ZNF37A: variants seen among roughly 807,000 people sequenced by gnomAD.
ZNF37A encodes zinc finger protein 37a (KOX 21).
ZNF37A carries 10 observed loss-of-function variants against 12.3 expected under a neutral mutation model. The observed-to-expected ratio is 0.82, with a 90% confidence interval of 0.50 to 1.38. The LOEUF is 1.38. ZNF37A is among the 40% of genes most tolerant of loss of function. The pLI, the probability that ZNF37A is intolerant of heterozygous loss-of-function variation, is 0.00. For synonymous variants in ZNF37A, 207 were observed against 223.0 expected (o/e 0.93, Z 0.64); for missense variants, 580 against 651.2 (o/e 0.89, Z 1.19).
At chr10:38,140,872 G>A (rs1180747506) in intron 7 of ZNF37A, 5 of 152,166 alleles carry the variant, frequency 3.3e-5, no homozygotes, top group East Asian at 1.9e-4. Flanking sequence ...GTAATCCAAA[G>A]TAAAATATAA....
In ZNF37A at chr10:38,120,715, A is replaced by C. The variant is rs2069640328; in HGVS notation, c.*1878A>C. 6.6e-6 allele frequency: 1 copy of C among 151,508 alleles called. No homozygotes were observed. Among genetic ancestry groups the C allele is most frequent in the African/African-American group, 2.4e-5 (1 of 41,218 alleles). The allele number at this position is 151,508 out of a possible 1,614,324, so 9.4% of individuals were successfully genotyped here. On this transcript the variant is annotated 3_prime_UTR_variant, in exon 8 of 8. Coordinates refer to ENST00000685332, the MANE Select transcript of ZNF37A (RefSeq NM_001324250.3). The stretch of plus-strand genomic sequence containing the variant: ...CATAACCTGGGGGTCAGGGGAAGGC[A>C]TGGGGGGGACCAGAAACCAGAAGAA...
chr10:38,112,742 T>TG (rs201023807), intron 5 of ZNF37A, among the ~76,000 whole-genome samples: 6,986 of 70,802 alleles, frequency 0.099, 1,602 homozygotes, highest in African/African-American at 0.15. Flanking sequence ...TTTCTTTTCT[T>TG]TTCTTTTCTT....
downstream of ZNF37A, among the ~76,000 whole-genome samples, chr10:38,128,178 A>G (rs1473180379): frequency 6.6e-6 from 1 of 152,170 alleles, no homozygotes; most frequent in East Asian, 1.9e-4. Flanking sequence ...TTAGAACCTA[A>G]TCAGAAGATT....
chr10:38,119,244 A>G lies in ZNF37A; in HGVS notation c.*407A>G. 1 of 1,046,168 alleles carries G rather than the reference A, an allele frequency of 9.6e-7. No homozygotes were observed. Among genetic ancestry groups the G allele is most frequent in the Non-Finnish European group, 1.2e-6 (1 of 855,722 alleles). 64.8% of individuals were successfully genotyped at this position (1,046,168 alleles called of 1,614,324 possible). On this transcript the variant is annotated 3_prime_UTR_variant, in exon 8 of 8. Coordinates refer to ENST00000685332, the MANE Select transcript of ZNF37A (RefSeq NM_001324250.3). ...CTTTTGGGTGTAATGAATGTGGGAAAACCTTTCATCAGAAGTCAGCTCTAA... is the reference window on the plus strand; with the variant it reads ...CTTTTGGGTGTAATGAATGTGGGAAGACCTTTCATCAGAAGTCAGCTCTAA...
intron 5 of ZNF37A, among the ~76,000 whole-genome samples, chr10:38,101,828 T>TC (rs1483003565): frequency 6.8e-6 from 1 of 147,776 alleles, no homozygotes; most frequent in Non-Finnish European, 1.5e-5. Flanking sequence ...TTTTTCTTTT[T>TC]TTTTTTTTTT....
chr10:38,127,608 G>A (rs1354994233), downstream of ZNF37A, among the ~76,000 whole-genome samples: 2 of 152,086 alleles, frequency 1.3e-5, no homozygotes, highest in Non-Finnish European at 2.9e-5. Flanking sequence ...AGAACACCTG[G>A]GTTAGAGGCT....
intron 7 of ZNF37A, among the ~76,000 whole-genome samples, chr10:38,146,327 A>ATTGT (rs2070253750): frequency 6.6e-6 from 1 of 152,080 alleles, no homozygotes; most frequent in Admixed American, 6.5e-5. Flanking sequence ...CCCAGGCTGG[A>ATTGT]GTACAGTGGC....
Position 38,119,838 on chromosome 10 carries a change from A to C in ZNF37A, c.*1001A>C, listed in dbSNP as rs902984704. The C allele has an allele frequency of 6.6e-6, 1 of 152,220 alleles. No homozygotes were observed. The highest frequency in any genetic ancestry group is 2.4e-5 in the African/African-American group (1 of 41,464). The allele number at this position is 152,220 out of a possible 1,614,324, so 9.4% of individuals were successfully genotyped here. On this transcript the variant is annotated 3_prime_UTR_variant, in exon 8 of 8. Transcript: ENST00000685332. ...GGCCATAGTACAGGAGCCCACCAGC[A>C]GGATTTTTGAATAATCCTAGGGCAG...
At chr10:38,145,555 T>A (rs1590953851) in intron 7 of ZNF37A, among the ~76,000 whole-genome samples, 1 of 152,226 alleles carries the variant, frequency 6.6e-6, no homozygotes, top group Non-Finnish European at 1.5e-5. Context: ...ACATTCTCAC[T>A]AGGGGTCTTT....
chr10:38,114,725 T>C (rs1175828885), intron 5 of ZNF37A, 30 bp from the exon 6 acceptor site: 2 of 1,613,884 alleles, frequency 1.2e-6, no homozygotes, highest in Non-Finnish European at 1.7e-6. Flanking sequence ...TTCTTATCAC[T>C]TCAGACTGAG....
At chr10:38,106,071 G>T (rs1217643475) in intron 5 of ZNF37A, among the ~76,000 whole-genome samples, 1 of 152,094 alleles carries the variant, frequency 6.6e-6, no homozygotes, top group Non-Finnish European at 1.5e-5. Context: ...ATGATCTTAG[G>T]GGGGGATCTT....
At chr10:38,149,933 C>T (rs537240409) in exon 8 of ZNF37A, 2 of 152,250 alleles carry the variant, frequency 1.3e-5, no homozygotes, top group South Asian at 2.1e-4. Context: ...GTAAGTTCCA[C>T]GGGGATAGAA....
Position 38,117,900 on chromosome 10 carries a change from C to G in ZNF37A, c.749C>G (p.Thr250Arg), listed in dbSNP as rs780200607. 2 of 1,613,914 alleles carry G rather than the reference C, an allele frequency of 1.2e-6. No homozygotes were observed. Among genetic ancestry groups the G allele is most frequent in the Non-Finnish European group, 1.7e-6 (2 of 1,179,970 alleles). Residue 250 changes from threonine to arginine, a missense_variant, in exon 8 of 8, where the codon ACA (threonine) becomes AGA (arginine). Thr to Arg is a moderately conservative substitution (Grantham distance 71, BLOSUM62 -1). Transcript: ENST00000685332. ...NNIIEYNECGTFFSEKLVLHL... is the reference protein window; with the variant it reads ...NNIIEYNECGRFFSEKLVLHL... ...ATTATTGAATATAATGAGTGTGGAA[C>G]ATTTTTCAGTGAAAAATTAGTCCTT...
At chr10:38,096,833 G>A (rs1364478025) in intron 5 of ZNF37A, among the ~76,000 whole-genome samples, 1 of 151,446 alleles carries the variant, frequency 6.6e-6, no homozygotes. Context: ...TTTTTAGGTG[G>A]CTGAGGGAAA....
At position 38,120,821 on chromosome 10, in the gene ZNF37A, C is replaced by T. The variant is rs1465326990; in HGVS notation, c.*1984C>T. On this transcript the variant is annotated 3_prime_UTR_variant, in exon 8 of 8. Coordinates refer to ENST00000685332, the MANE Select transcript of ZNF37A (RefSeq NM_001324250.3). Reference sequence around the variant, plus strand: ...TTTCTCAAGAAATTTCCAGATGTCTCATGCTGCATAGGGCAGGAGCCTGAA... The same window carrying T: ...TTTCTCAAGAAATTTCCAGATGTCTTATGCTGCATAGGGCAGGAGCCTGAA... The T allele has an allele frequency of 6.6e-6, 1 of 152,210 alleles. No homozygotes were observed. The highest frequency in any genetic ancestry group is 2.4e-5 in the African/African-American group (1 of 41,448). The allele number at this position is 152,210 out of a possible 1,614,324, so 9.4% of individuals were successfully genotyped here. A position where few individuals can be genotyped will look rare whatever the true frequency, so the allele number is the denominator to read the frequency against.
At chr10:38,099,822 G>A (rs1032606537) in intron 5 of ZNF37A, among the ~76,000 whole-genome samples, 5 of 152,170 alleles carry the variant, frequency 3.3e-5, no homozygotes, top group African/African-American at 1.2e-4. Context: ...ATTGTAATGG[G>A]TGTATGGTAA....
chr10:38,103,925 G>A (rs1414887477), intron 5 of ZNF37A, among the ~76,000 whole-genome samples: 4 of 152,166 alleles, frequency 2.6e-5, no homozygotes, highest in Admixed American at 6.5e-5. Flanking sequence ...GGCTTGCCAG[G>A]CCATTTACAT....
chr10:38,102,935 C>A (rs2067714011), intron 5 of ZNF37A, among the ~76,000 whole-genome samples: 2 of 152,020 alleles, frequency 1.3e-5, no homozygotes, highest in Admixed American at 6.6e-5. Flanking sequence ...TATTTCAGAT[C>A]CTTTGTACAT....
intron 7 of ZNF37A, among the ~76,000 whole-genome samples, chr10:38,132,364 A>G (rs1034090999): frequency 2.6e-5 from 4 of 152,122 alleles, no homozygotes; most frequent in African/African-American, 7.2e-5. Flanking sequence ...GATCATGTAT[A>G]GGTTTTTCCC....
Sources: gnomAD v4.1 joint callset for allele counts (sites outside exome capture counted in the v4.1 genomes callset) on GRCh38, gnomAD v4.1.1 for gene constraint, MANE v1.5 for transcripts, NCBI Gene and HGNC (gene_info 2026-07-23, HGNC 2026-07-21) for gene names.